TSPAN5: variants seen among roughly 807,000 people sequenced by gnomAD.
TSPAN5 encodes tetraspanin 5.
Under a neutral mutation model 37.1 loss-of-function variants are expected in TSPAN5, and 10 were observed. The ratio of observed to expected loss-of-function variants is 0.27; its 90% CI spans 0.17 to 0.46. The LOEUF is 0.46. Among genes scored for constraint, TSPAN5 ranks in the 20% least tolerant of loss-of-function variants. The probability of loss-of-function intolerance (pLI) is 1.00; values close to 1 mark genes in which losing one functional copy is unlikely to be tolerated. For missense variants in TSPAN5, 195 were observed against 326.6 expected, an observed-to-expected ratio of 0.60 and a Z score of 3.11; for synonymous variants, 110 against 118.9, an observed-to-expected ratio of 0.93 and a Z score of 0.48.
At chr4:98,598,512 T>A (rs1755807816) in intron 1 of TSPAN5, among the ~76,000 whole-genome samples, 1 of 152,104 alleles carries the variant, frequency 6.6e-6, no homozygotes, top group African/African-American at 2.4e-5. Context: ...TCACCCAGGC[T>A]GCAGTGCAGT....
At chr4:98,566,351 G>A (rs1195010138) in intron 1 of TSPAN5, among the ~76,000 whole-genome samples, 1 of 151,822 alleles carries the variant, frequency 6.6e-6, no homozygotes, top group Non-Finnish European at 1.5e-5. Context: ...TATGGCGGGT[G>A]GGGGTGGGGA....
intron 2 of TSPAN5, among the ~76,000 whole-genome samples, chr4:98,504,606 A>G (rs908480275): frequency 1.3e-5 from 2 of 152,214 alleles, no homozygotes; most frequent in Admixed American, 1.3e-4. Flanking sequence ...GGAGGGAGCC[A>G]TGTCTCCAGT....
intron 1 of TSPAN5, among the ~76,000 whole-genome samples, chr4:98,542,136 G>T (rs957202290): frequency 6.6e-6 from 1 of 152,100 alleles, no homozygotes; most frequent in Non-Finnish European, 1.5e-5. Context: ...ACCTGACGGG[G>T]TTCTGTGAAG....
At chr4:98,485,762 CTTTTT>C (rs766494512) in intron 3 of TSPAN5, among the ~76,000 whole-genome samples, 1,121 of 86,576 alleles carry the variant, frequency 0.013, 18 homozygotes, top group African/African-American at 0.047. Context: ...CTTGGATATG[CTTTTT>C]TTTTTTTTTT....
chr4:98,580,880 C>T lies in TSPAN5; in HGVS notation c.82-73152G>A, dbSNP rs570542663. ...GGACAAGGCTGACAGAGTCTGATTC[C>T]TATAGTCTTTTCCCTCTCTAATTTC... is the stretch of plus-strand genomic sequence containing the variant. On this transcript the variant is annotated intron_variant, in intron 1 of 7. Transcript: ENST00000305798. Among the ~76,000 whole-genome samples the T allele has an allele frequency of 4.6e-5, 7 of 152,188 alleles. No individual in the cohort carries two copies. The South Asian group carries it at 8.3e-4, about 18-fold the overall frequency.
chr4:98,477,865 G>A (rs541644880), intron 5 of TSPAN5, among the ~76,000 whole-genome samples: 1 of 151,960 alleles, frequency 6.6e-6, no homozygotes, highest in Non-Finnish European at 1.5e-5. Context: ...TCACTATGTT[G>A]CTCAGGCTGG....
chr4:98,615,771 C>T (rs1164138269), intron 1 of TSPAN5, among the ~76,000 whole-genome samples: 1 of 152,136 alleles, frequency 6.6e-6, no homozygotes, highest in Non-Finnish European at 1.5e-5. Context: ...TTCTTAGACT[C>T]GTCGGAATTT....
chr4:98,558,177 T>A (rs1754794352), intron 1 of TSPAN5, among the ~76,000 whole-genome samples: 1 of 150,824 alleles, frequency 6.6e-6, no homozygotes, highest in Non-Finnish European at 1.5e-5. Flanking sequence ...CACTCGAACA[T>A]AAATTTAATC....
At chr4:98,553,417 T>C (rs1754665777) in intron 1 of TSPAN5, among the ~76,000 whole-genome samples, 1 of 152,166 alleles carries the variant, frequency 6.6e-6, no homozygotes, top group Non-Finnish European at 1.5e-5. Context: ...AGAACAAAAA[T>C]AATCATATGC....
intron 1 of TSPAN5, among the ~76,000 whole-genome samples, chr4:98,592,448 T>TTTTTTTTTTTTTTTTTTA (rs1755667937): frequency 7.9e-6 from 1 of 127,166 alleles, no homozygotes; most frequent in African/African-American, 3.0e-5. Context: ...TTTTTTTTTT[T>TTTTTTTTTTTTTTTTTTA]ATTATACTCT....
intron 1 of TSPAN5, among the ~76,000 whole-genome samples, chr4:98,510,340 TTACATGG>T (rs1422652429): frequency 1.3e-5 from 2 of 152,142 alleles, no homozygotes; most frequent in Non-Finnish European, 2.9e-5. Context: ...CAGGCTGGAA[TTACATGG>T]TACATGATCA....
At chr4:98,533,830 G>C (rs1754161995) in intron 1 of TSPAN5, among the ~76,000 whole-genome samples, 1 of 148,780 alleles carries the variant, frequency 6.7e-6, no homozygotes. Flanking sequence ...GATTACAGGT[G>C]TGAGCCACAG....
At chr4:98,542,462 T>C (rs1036634285) in intron 1 of TSPAN5, among the ~76,000 whole-genome samples, 3 of 151,806 alleles carry the variant, frequency 2.0e-5, no homozygotes, top group African/African-American at 7.3e-5. Context: ...ATGCCTGTCA[T>C]CCCAGCACTT....
chr4:98,472,369 C>T lies in TSPAN5; in HGVS notation c.*153G>A. 1 of 524,548 alleles carries T rather than the reference C, an allele frequency of 1.9e-6. No homozygotes were observed. Among genetic ancestry groups the T allele is most frequent in the Non-Finnish European group, 3.3e-6 (1 of 303,992 alleles). The allele number at this position is 524,548 out of a possible 1,614,324, so 32.5% of individuals were successfully genotyped here. ...TAATTCTGTCAGTGAGCAGCATTTC[C>T]CAGTTTTACACTCCCCTAATGGCAG... On this transcript the variant is annotated 3_prime_UTR_variant, in exon 8 of 8. Coordinates refer to ENST00000305798, the MANE Select transcript of TSPAN5 (RefSeq NM_005723.4).
chr4:98,636,959 G>A (rs1756868684), intron 1 of TSPAN5, among the ~76,000 whole-genome samples: 1 of 152,072 alleles, frequency 6.6e-6, no homozygotes. Flanking sequence ...AGGTTTCTTA[G>A]CCCAGTCTAC....
intron 2 of TSPAN5, among the ~76,000 whole-genome samples, chr4:98,504,276 A>G (rs1753423400): frequency 6.6e-6 from 1 of 152,184 alleles, no homozygotes; most frequent in Admixed American, 6.5e-5. Flanking sequence ...GTACTGATTC[A>G]TGGGCTGATG....
chr4:98,529,934 T>C (rs1253354414), intron 1 of TSPAN5, among the ~76,000 whole-genome samples: 1 of 151,892 alleles, frequency 6.6e-6, no homozygotes, highest in Non-Finnish European at 1.5e-5. Flanking sequence ...TTGAGTATGT[T>C]CAAGTAAAAG....
At chr4:98,528,267 A>G (rs957100369) in intron 1 of TSPAN5, among the ~76,000 whole-genome samples, 2 of 152,222 alleles carry the variant, frequency 1.3e-5, no homozygotes, top group East Asian at 1.9e-4. Flanking sequence ...CAAGGTTGAC[A>G]TAAGTTATTA....
Position 98,551,492 on chromosome 4 carries a change from C to CT in TSPAN5, c.82-43765dup, listed in dbSNP as rs35415457. 4.5e-3 allele frequency among the ~76,000 whole-genome samples: 412 copies of CT among 92,220 alleles called. 5 individuals are homozygous for CT. The highest frequency in any genetic ancestry group is 0.037 in the Middle Eastern group (6 of 164). 60.5% of individuals were successfully genotyped at this position (92,220 alleles called of 152,430 possible). A position where few individuals can be genotyped will look rare whatever the true frequency, so the allele number is the denominator to read the frequency against. ...TGTATGGTTTTTTCCTTTTTCTTTT[C>CT]TTTTTTTTTTTTTTTTTGAGATGGA... On this transcript the variant is annotated intron_variant, in intron 1 of 7. Transcript: ENST00000305798.
Sources: gnomAD v4.1 joint callset for allele counts (sites outside exome capture counted in the v4.1 genomes callset) on GRCh38, gnomAD v4.1.1 for gene constraint, MANE v1.5 for transcripts, NCBI Gene and HGNC (gene_info 2026-07-23, HGNC 2026-07-21) for gene names.